Variants in KCNIP4 observed in about 807,000 individuals in gnomAD.
KCNIP4 encodes the protein potassium voltage-gated channel interacting protein 4.
A neutral mutation model predicts 34.0 loss-of-function variants in KCNIP4; 12 were observed. That is an observed-to-expected ratio of 0.35 (90% CI 0.23 to 0.57). The LOEUF (loss-of-function observed/expected upper bound fraction) is 0.57, where lower values mean the gene tolerates loss of function less well. Ranked by LOEUF, KCNIP4 falls within the 20% of genes least tolerant of loss-of-function variation. The pLI, the probability that KCNIP4 is intolerant of heterozygous loss-of-function variation, is 0.83. For synonymous variants in KCNIP4, 124 were observed against 102.2 expected (o/e 1.21, Z -1.29); for missense variants, 238 against 311.7 (o/e 0.76, Z 1.78).
At position 21,879,757 on chromosome 4, in the gene KCNIP4, G is replaced by A. The variant is rs115265109; in HGVS notation, c.61+68814C>T. ...AATAATAATCTATTGATATGGTTTC[G>A]CTGTGTCCTCACCCAAATCTCATCT... On this transcript the variant is annotated intron_variant, in intron 1 of 8. Transcript: ENST00000382152. Among the ~76,000 whole-genome samples, 768 of 151,046 alleles carry A rather than the reference G, an allele frequency of 5.1e-3. 5 individuals carry two copies. The highest frequency in any genetic ancestry group is 8.9e-3 in the Non-Finnish European group (602 of 67,682).
intron 1 of KCNIP4, among the ~76,000 whole-genome samples, chr4:21,229,342 A>G (rs770808998): frequency 3.9e-5 from 6 of 152,158 alleles, no homozygotes; most frequent in Admixed American, 6.6e-5. Flanking sequence ...GTTTTCTGGC[A>G]CTAGGTAGGG....
At chr4:21,365,511 A>T (rs895300878) in intron 1 of KCNIP4, among the ~76,000 whole-genome samples, 1 of 104,540 alleles carries the variant, frequency 9.6e-6, no homozygotes, top group African/African-American at 4.1e-5. Context: ...ATAAATAAAT[A>T]AATAAATAAA....
intron 1 of KCNIP4, among the ~76,000 whole-genome samples, chr4:20,925,018 A>C (rs1032675228): frequency 1.3e-5 from 2 of 150,552 alleles, no homozygotes; most frequent in African/African-American, 4.9e-5. Context: ...TGTTAAAATG[A>C]TTTGCTAAAT....
intron 1 of KCNIP4, among the ~76,000 whole-genome samples, chr4:21,514,790 G>A (rs1333536421): frequency 6.6e-6 from 1 of 152,146 alleles, no homozygotes. Context: ...CTCTCACAAA[G>A]AGAGTAGTGG....
chr4:21,116,527 T>C (rs1392592755), intron 1 of KCNIP4, among the ~76,000 whole-genome samples: 1 of 152,236 alleles, frequency 6.6e-6, no homozygotes, highest in Non-Finnish European at 1.5e-5. Context: ...TCTGGATAGC[T>C]TTTCTGTACT....
intron 1 of KCNIP4, among the ~76,000 whole-genome samples, chr4:21,868,146 C>G (rs1161792310): frequency 2.0e-5 from 3 of 152,098 alleles, no homozygotes; most frequent in African/African-American, 7.2e-5. Context: ...CATGTGTATT[C>G]AGTAACCTAA....
chr4:21,034,864 G>A (rs1258825415), intron 1 of KCNIP4, among the ~76,000 whole-genome samples: 1 of 152,166 alleles, frequency 6.6e-6, no homozygotes, highest in Non-Finnish European at 1.5e-5. Flanking sequence ...TTTCAGACAT[G>A]GTTTACACCT....
chr4:21,299,015 A>T (rs937065449), intron 1 of KCNIP4, among the ~76,000 whole-genome samples: 25 of 152,260 alleles, frequency 1.6e-4, no homozygotes, highest in East Asian at 9.7e-4. Context: ...TTACTAGCTG[A>T]GTTAACCTTG....
chr4:21,929,279 T>C (rs773703020), intron 1 of KCNIP4, among the ~76,000 whole-genome samples: 11 of 152,112 alleles, frequency 7.2e-5, no homozygotes, highest in Non-Finnish European at 1.6e-4. Context: ...TAGGTGATAA[T>C]AAATATGTCA....
At chr4:21,156,901 T>C (rs1276402210) in intron 1 of KCNIP4, among the ~76,000 whole-genome samples, 1 of 151,872 alleles carries the variant, frequency 6.6e-6, no homozygotes, top group Non-Finnish European at 1.5e-5. Context: ...GCATTCTACA[T>C]TAAAAATGGC....
At chr4:21,193,891 C>T (rs982515732) in intron 1 of KCNIP4, among the ~76,000 whole-genome samples, 2 of 152,148 alleles carry the variant, frequency 1.3e-5, no homozygotes, top group East Asian at 1.9e-4. Flanking sequence ...TTTTAAACTA[C>T]AAGAAGGGAA....
chr4:21,280,174 CT>C (rs1339417981), intron 1 of KCNIP4, among the ~76,000 whole-genome samples: 1 of 152,128 alleles, frequency 6.6e-6, no homozygotes, highest in African/African-American at 2.4e-5. Flanking sequence ...TCAAGATGCA[CT>C]GAACTGCATA....
At chr4:20,879,540 G>A (rs1246766826) in intron 2 of KCNIP4, among the ~76,000 whole-genome samples, 3 of 152,184 alleles carry the variant, frequency 2.0e-5, no homozygotes, top group African/African-American at 7.2e-5. Flanking sequence ...TTAAAAATGA[G>A]AAATACATTT....
At chr4:21,753,549 C>G (rs1170746552) in intron 1 of KCNIP4, among the ~76,000 whole-genome samples, 1 of 152,066 alleles carries the variant, frequency 6.6e-6, no homozygotes, top group Non-Finnish European at 1.5e-5. Context: ...AAAATATGCC[C>G]TAGGTTACTT....
chr4:21,937,969 A>C (rs1297357659), intron 1 of KCNIP4, among the ~76,000 whole-genome samples: 2 of 152,090 alleles, frequency 1.3e-5, no homozygotes, highest in African/African-American at 2.4e-5. Context: ...TTCATACTGC[A>C]TCACATCTTG....
chr4:20,780,000 T>C (rs372103215), intron 3 of KCNIP4, among the ~76,000 whole-genome samples: 5 of 152,182 alleles, frequency 3.3e-5, no homozygotes, highest in African/African-American at 9.6e-5. Flanking sequence ...GTTTGTAGTA[T>C]GTTGCTACAG....
chr4:21,234,329 A>T (rs1759144502), intron 1 of KCNIP4, among the ~76,000 whole-genome samples: 1 of 75,966 alleles, frequency 1.3e-5, no homozygotes, highest in East Asian at 3.9e-4. Flanking sequence ...TAACATATAT[A>T]AATTATATAT....
intron 1 of KCNIP4, among the ~76,000 whole-genome samples, chr4:21,868,568 A>C (rs1215013515): frequency 6.6e-6 from 1 of 152,220 alleles, no homozygotes; most frequent in African/African-American, 2.4e-5. Context: ...AGTATTTGAT[A>C]GCTAACACTA....
chr4:20,761,708 T>C (rs529324228), intron 3 of KCNIP4, among the ~76,000 whole-genome samples: 4 of 152,298 alleles, frequency 2.6e-5, no homozygotes, highest in East Asian at 3.9e-4. Flanking sequence ...TCTCTAGATA[T>C]ATTTGATAGA....
Sources: gnomAD v4.1 joint callset for allele counts (sites outside exome capture counted in the v4.1 genomes callset) on GRCh38, gnomAD v4.1.1 for gene constraint, MANE v1.5 for transcripts, NCBI Gene and HGNC (gene_info 2026-07-23, HGNC 2026-07-21) for gene names.